The following GAS7 variants were observed in gnomAD, a reference collection of about 807,000 sequenced individuals.
GAS7 encodes the protein growth arrest-specific protein 7.
A neutral mutation model predicts 71.1 loss-of-function variants in GAS7; 28 were observed. The observed-to-expected ratio is 0.39, with a 90% CI of 0.29 to 0.54. The LOEUF is 0.54. GAS7 is among the 20% of genes least tolerant of loss of function. The pLI, the probability that GAS7 is intolerant of heterozygous loss-of-function variation, is 0.62. For synonymous variants in GAS7, 258 were observed against 245.8 expected (o/e 1.05, Z -0.46); for missense variants, 436 against 627.8 (o/e 0.69, Z 3.27).
At chr17:9,985,731 C>T (rs560997003) in intron 2 of GAS7, among the ~76,000 whole-genome samples, 6 of 152,224 alleles carry the variant, frequency 3.9e-5, no homozygotes, top group Non-Finnish European at 8.8e-5. Context: ...GCAGGGTGCA[C>T]ATCTAATGAC....
chr17:9,969,447 G>A lies in GAS7; in HGVS notation c.471+230C>T, dbSNP rs142148099. Among the ~76,000 whole-genome samples the A allele has an allele frequency of 2.8e-4, 42 of 152,200 alleles. No homozygotes were observed. The highest frequency in any genetic ancestry group is 8.9e-4 in the African/African-American group (37 of 41,514). Reference sequence around the variant, plus strand: ...TCCTAATGGTTTCAACCCCATCACCGTCAACCCCTCCTCCAAACCACCCTC... The same window carrying A: ...TCCTAATGGTTTCAACCCCATCACCATCAACCCCTCCTCCAAACCACCCTC... On this transcript the variant is annotated intron_variant, in intron 4 of 13. Transcript: ENST00000432992. The surrounding 1 kb of genome is among the most constrained non-coding windows in gnomAD (Gnocchi z 5.5).
chr17:10,072,537 A>C (rs1342201334), intron 1 of GAS7, among the ~76,000 whole-genome samples: 1 of 152,202 alleles, frequency 6.6e-6, no homozygotes, highest in Non-Finnish European at 1.5e-5. Flanking sequence ...TCCCATGAGC[A>C]TTCAAGTTCC....
chr17:9,961,431 T>G (rs986846073), intron 4 of GAS7, among the ~76,000 whole-genome samples: 3 of 151,850 alleles, frequency 2.0e-5, no homozygotes, highest in Admixed American at 1.3e-4. Context: ...GGGGAAAGAG[T>G]AGCCTATGGG....
At chr17:9,920,705 CTT>C (rs1646077363) in intron 11 of GAS7, among the ~76,000 whole-genome samples, 1 of 152,224 alleles carries the variant, frequency 6.6e-6, no homozygotes, top group South Asian at 2.1e-4. Context: ...TCATGCACGG[CTT>C]TGTCTCAGCG....
At chr17:9,937,803 C>T (rs1242353281) in intron 8 of GAS7, among the ~76,000 whole-genome samples, 1 of 152,196 alleles carries the variant, frequency 6.6e-6, no homozygotes, top group African/African-American at 2.4e-5. Flanking sequence ...GGGTTCACTC[C>T]CCCTTGGAGA....
chr17:10,062,205 C>G (rs912850694), intron 1 of GAS7, among the ~76,000 whole-genome samples: 2 of 152,212 alleles, frequency 1.3e-5, no homozygotes, highest in African/African-American at 4.8e-5. Context: ...AAATTCTAGG[C>G]TGGGCACAAT....
In GAS7 at chr17:10,034,643, T is replaced by C. The variant is rs1381830561; in HGVS notation, c.184-14746A>G. 6.6e-6 allele frequency among the ~76,000 whole-genome samples: 1 copy of C among 152,136 alleles called. No individual in the cohort carries two copies. The highest frequency in any genetic ancestry group is 2.4e-5 in the African/African-American group (1 of 41,428). The stretch of plus-strand genomic sequence containing the variant: ...TAAATGTCAGCATTAGTATATATGT[T>C]TTAAGGACATGCCATTTTAATAGGA... On this transcript the variant is annotated intron_variant, in intron 1 of 13. Transcript: ENST00000432992. This position sits in a 1 kb window ranked among gnomAD's most constrained non-coding sequence, Gnocchi z 4.4.
intron 11 of GAS7, among the ~76,000 whole-genome samples, chr17:9,925,153 C>G (rs1361799956): frequency 1.3e-5 from 2 of 151,036 alleles, no homozygotes; most frequent in Non-Finnish European, 2.9e-5. Context: ...GTTTGTCCAC[C>G]TCCTGGTCAG....
Position 9,981,448 on chromosome 17 carries a change from T to C in GAS7, c.385+356A>G, listed in dbSNP as rs1305045807. Among the ~76,000 whole-genome samples, 1 of 152,166 alleles carries C rather than the reference T, an allele frequency of 6.6e-6. No individual in the cohort carries two copies. Among genetic ancestry groups the C allele is most frequent in the Non-Finnish European group, 1.5e-5 (1 of 68,014 alleles). On this transcript the variant is annotated intron_variant, in intron 3 of 13. Transcript: ENST00000432992. The surrounding 1 kb of genome is among the most constrained non-coding windows in gnomAD (Gnocchi z 4.4). ...TGCCTTGTAAACATCTACCTCCTTT[T>C]AGCTTCTACTCCGTGATGTCCACAA...
chr17:10,141,986 T>TGG (rs11450280), intron 1 of GAS7, among the ~76,000 whole-genome samples: 162 of 151,164 alleles, frequency 1.1e-3, no homozygotes, highest in African/African-American at 3.5e-3. Flanking sequence ...CCCAGCACTT[T>TGG]GGGGGGCCGA....
rs1183705096 is a variant in GAS7, at chr17:9,995,563, C to A, written c.305-13679G>T. 5.6e-4 allele frequency among the ~76,000 whole-genome samples: 85 copies of A among 151,006 alleles called. 1 individual carries two copies. Among genetic ancestry groups the A allele is most frequent in the Non-Finnish European group, 1.5e-4 (10 of 67,728 alleles). On this transcript the variant is annotated intron_variant, in intron 2 of 13. Transcript: ENST00000432992. The stretch of plus-strand genomic sequence containing the variant: ...AACAAAAAAAAAAAAAAAAGATACT[C>A]ATTCTCATTCAAAATTGGAGAAATA...
At chr17:9,927,191 G>A (rs990267071) in intron 9 of GAS7, among the ~76,000 whole-genome samples, 4 of 135,886 alleles carry the variant, frequency 2.9e-5, no homozygotes, top group African/African-American at 1.1e-4. Context: ...GCTCATGCCT[G>A]TAATCCCAGC....
At chr17:10,177,762 G>A (rs985330933) in intron 1 of GAS7, among the ~76,000 whole-genome samples, 9 of 152,148 alleles carry the variant, frequency 5.9e-5, no homozygotes, top group Non-Finnish European at 1.2e-4. Context: ...CAAGAGACTT[G>A]CAGCTGTAGC....
chr17:10,138,283 T>TGAAATGTAAAG (rs1311184508), intron 1 of GAS7, among the ~76,000 whole-genome samples: 1 of 152,162 alleles, frequency 6.6e-6, no homozygotes, highest in Non-Finnish European at 1.5e-5. Flanking sequence ...TTTACAGATG[T>TGAAATGTAAAG]GAAGGCACTT....
intron 1 of GAS7, among the ~76,000 whole-genome samples, chr17:10,123,203 G>A (rs998345327): frequency 2.0e-5 from 3 of 152,176 alleles, no homozygotes; most frequent in Non-Finnish European, 4.4e-5. Flanking sequence ...GTCAGACTCT[G>A]GAAAGCATTG....
At chr17:10,100,570 T>G (rs118012628) in intron 1 of GAS7, among the ~76,000 whole-genome samples, 6,092 of 150,822 alleles carry the variant, frequency 0.04, 177 homozygotes, top group Non-Finnish European at 0.062. Context: ...ACATCCATTC[T>G]CCTCCCTCAG....
Position 10,150,657 on chromosome 17 carries a change from C to T in GAS7, c.183+47551G>A, listed in dbSNP as rs139239389. 1.7e-4 allele frequency among the ~76,000 whole-genome samples: 24 copies of T among 144,698 alleles called. 1 individual carries two copies. The highest frequency in any genetic ancestry group is 6.5e-4 in the South Asian group (3 of 4,604). The allele number at this position is 144,698 out of a possible 152,430, so 94.9% of individuals were successfully genotyped here. A position where few individuals can be genotyped will look rare whatever the true frequency, so the allele number is the denominator to read the frequency against. ...AGACTGGAGTGCAGTGGCACGATCT[C>T]GGCTCACTGCAACCTCTGCCTCACA... On this transcript the variant is annotated intron_variant, in intron 1 of 13. Transcript: ENST00000432992.
intron 2 of GAS7, among the ~76,000 whole-genome samples, chr17:9,997,991 T>C (rs1427970710): frequency 6.6e-6 from 1 of 152,088 alleles, no homozygotes; most frequent in African/African-American, 2.4e-5. Flanking sequence ...CCTGTTTTTC[T>C]AGGTTCTTAC....
At chr17:10,095,855 T>C (rs1188379805) in intron 1 of GAS7, among the ~76,000 whole-genome samples, 2 of 151,402 alleles carry the variant, frequency 1.3e-5, no homozygotes, top group Non-Finnish European at 2.9e-5. Context: ...GCCCGTGTGC[T>C]CCATCCCCTA....
Sources: allele counts gnomAD v4.1 joint callset (sites outside exome capture counted in the v4.1 genomes callset), GRCh38; gene constraint gnomAD v4.1.1; non-coding constraint Gnocchi (gnomAD v3.1); transcripts MANE v1.5; gene names NCBI Gene and HGNC (gene_info 2026-07-23, HGNC 2026-07-21).